The following LCORL variants were observed in gnomAD, a reference collection of about 807,000 sequenced individuals.
LCORL encodes ligand dependent nuclear receptor corepressor like, also known as ligand-dependent nuclear receptor corepressor-like protein.
Under a neutral mutation model 141.8 loss-of-function variants are expected in LCORL, and 41 were observed. That is an observed-to-expected ratio of 0.29 (90% confidence interval 0.23 to 0.38). The LOEUF (loss-of-function observed/expected upper bound fraction) is 0.38, where lower values mean the gene tolerates loss of function less well. LCORL is among the 10% of genes least tolerant of loss of function. The probability of loss-of-function intolerance (pLI) is 1.00; values close to 1 mark genes in which losing one functional copy is unlikely to be tolerated. For synonymous variants in LCORL, 618 were observed against 694.1 expected (o/e 0.89, Z 1.72); for missense variants, 1,759 against 2,035.0 (o/e 0.86, Z 2.61).
intron 1 of LCORL, among the ~76,000 whole-genome samples, chr4:17,982,099 C>CGTGTGTGTGTGTGTGT (rs57094203): frequency 3.3e-4 from 45 of 136,580 alleles, no homozygotes; most frequent in East Asian, 1.6e-3. Flanking sequence ...AGTATTCCAT[C>CGTGTGTGTGTGTGTGT]GTGTGTGTGT....
chr4:18,004,111 G>A (rs368589125), intron 1 of LCORL, among the ~76,000 whole-genome samples: 1 of 152,204 alleles, frequency 6.6e-6, no homozygotes, highest in African/African-American at 2.4e-5. Flanking sequence ...AAGTATTGGT[G>A]TACATATCCT....
chr4:17,984,779 G>C (rs1351931220), intron 1 of LCORL, among the ~76,000 whole-genome samples: 2 of 152,040 alleles, frequency 1.3e-5, no homozygotes, highest in East Asian at 3.9e-4. Context: ...CTCAGATTTT[G>C]GTTATTTCTT....
chr4:17,964,789 T>G (rs535026826), intron 2 of LCORL, among the ~76,000 whole-genome samples: 8 of 151,950 alleles, frequency 5.3e-5, no homozygotes, highest in Admixed American at 2.6e-4. Flanking sequence ...GGAGTTGTTT[T>G]GGAACTGTTG....
At chr4:17,977,651 T>A (rs1342524198) in intron 1 of LCORL, among the ~76,000 whole-genome samples, 3 of 152,210 alleles carry the variant, frequency 2.0e-5, no homozygotes, top group African/African-American at 7.2e-5. Flanking sequence ...TGTTTTAAAA[T>A]ATATTCTGGA....
intron 6 of LCORL, chr4:17,882,238 A>T: frequency 1.0e-6 from 1 of 984,652 alleles, no homozygotes; most frequent in Non-Finnish European, 1.2e-6. Context: ...TATTTTTTAA[A>T]TTCAGCTAAA....
chr4:17,872,713 T>C (rs1052435108), intron 7 of LCORL, among the ~76,000 whole-genome samples: 3 of 152,190 alleles, frequency 2.0e-5, no homozygotes, highest in African/African-American at 7.2e-5. Context: ...ATGGATTACC[T>C]GTGAAAAAGA....
At chr4:18,013,445 C>T (rs1045415839) in intron 1 of LCORL, among the ~76,000 whole-genome samples, 1 of 152,188 alleles carries the variant, frequency 6.6e-6, no homozygotes, top group Non-Finnish European at 1.5e-5. Context: ...CCAGATACTA[C>T]TACTACATAA....
At chr4:17,855,711 C>T (rs1441071581) in intron 7 of LCORL, among the ~76,000 whole-genome samples, 1 of 152,146 alleles carries the variant, frequency 6.6e-6, no homozygotes, top group East Asian at 1.9e-4. Flanking sequence ...GTGAGGGACA[C>T]ATGGAGCAGA....
intron 1 of LCORL, among the ~76,000 whole-genome samples, chr4:17,991,533 T>C (rs1314545741): frequency 6.6e-6 from 1 of 152,242 alleles, no homozygotes; most frequent in Non-Finnish European, 1.5e-5. Flanking sequence ...CAGAAGTATC[T>C]TGGGAAATCT....
At chr4:17,907,261 C>T (rs1731785273) in intron 5 of LCORL, among the ~76,000 whole-genome samples, 1 of 152,122 alleles carries the variant, frequency 6.6e-6, no homozygotes, top group African/African-American at 2.4e-5. Context: ...TGATGAGGAA[C>T]GGGGGGTAGA....
rs111947187 is a variant in LCORL, at chr4:18,012,495, G to C, written c.154+9103C>G. ...TATTCCAAAGTCTATTTCTAGTTCA[G>C]AATCCAGTAAAGAAGAAACATAAAA... On this transcript the variant is annotated intron_variant, in intron 1 of 7. Coordinates refer to ENST00000635767, the Ensembl canonical transcript of LCORL. Among the ~76,000 whole-genome samples, 7 of 152,176 alleles carry C rather than the reference G, an allele frequency of 4.6e-5. 1 individual carries two copies. The highest frequency in any genetic ancestry group is 1.7e-4 in the African/African-American group (7 of 41,508).
intron 2 of LCORL, among the ~76,000 whole-genome samples, chr4:17,970,514 A>G (rs1715720820): frequency 6.6e-6 from 1 of 152,214 alleles, no homozygotes; most frequent in Non-Finnish European, 1.5e-5. Flanking sequence ...TGGCAATCCA[A>G]GTTCCACGCT....
chr4:17,851,184 C>T lies in LCORL; in HGVS notation c.5603-5283G>A, dbSNP rs570272372. ...AGGAGATATACCTAATGCTAAATGA[C>T]GAGTTAATGGGTGCAGCACACCAGC... On this transcript the variant is annotated intron_variant, in intron 7 of 7. Coordinates refer to ENST00000635767, the Ensembl canonical transcript of LCORL. Among the ~76,000 whole-genome samples, 16 of 149,218 alleles carry T rather than the reference C, an allele frequency of 1.1e-4. No individual in the cohort carries two copies. In the South Asian group the frequency reaches 2.2e-3, roughly 20 times the overall value.
At chr4:17,932,825 C>T (rs1312155638) in intron 4 of LCORL, among the ~76,000 whole-genome samples, 1 of 152,128 alleles carries the variant, frequency 6.6e-6, no homozygotes, top group Non-Finnish European at 1.5e-5. Context: ...TTCTCTGGGT[C>T]CTTCACAGAA....
chr4:17,898,377 G>A (rs1730318302), intron 5 of LCORL, among the ~76,000 whole-genome samples: 1 of 152,008 alleles, frequency 6.6e-6, no homozygotes, highest in Non-Finnish European at 1.5e-5. Context: ...TTTTGGGATT[G>A]CTCTACTTTA....
Position 18,021,868 on chromosome 4 carries a change from A to G in LCORL, c.-117T>C. 1 of 1,152,188 alleles carries G rather than the reference A, an allele frequency of 8.7e-7. No individual in the cohort carries two copies. The highest frequency in any genetic ancestry group is 1.2e-6 in the Non-Finnish European group (1 of 862,624). The allele number at this position is 1,152,188 out of a possible 1,614,324, so 71.4% of individuals were successfully genotyped here. A position where few individuals can be genotyped will look rare whatever the true frequency, so the allele number is the denominator to read the frequency against. On this transcript the variant is annotated 5_prime_UTR_variant, in exon 1 of 8. Coordinates refer to ENST00000635767, the Ensembl canonical transcript of LCORL. This position sits in a 1 kb window ranked among gnomAD's most constrained non-coding sequence, Gnocchi z 5.5. ...GCCCCCCGGAGGGGGGTTGATTGAC[A>G]CGTGTCACTACCTTCCCTCTGCCCT...
At chr4:17,867,054 A>G in intron 7 of LCORL, 1 of 832,372 alleles carries the variant, frequency 1.2e-6, no homozygotes, top group Non-Finnish European at 1.4e-6. Flanking sequence ...GATTTACAAA[A>G]CAGAATACAA....
intron 1 of LCORL, among the ~76,000 whole-genome samples, chr4:17,990,883 A>G (rs1465176141): frequency 3.9e-5 from 6 of 152,138 alleles, no homozygotes; most frequent in African/African-American, 1.2e-4. Context: ...GCCATACTAA[A>G]AAGTCCACGA....
chr4:17,928,605 T>A (rs992861084), intron 4 of LCORL, among the ~76,000 whole-genome samples: 5 of 152,178 alleles, frequency 3.3e-5, no homozygotes, highest in Admixed American at 2.0e-4. Context: ...TAAGGGTATC[T>A]GTAAAAAATC....
Sources: gnomAD v4.1 joint callset for allele counts (sites outside exome capture counted in the v4.1 genomes callset) on GRCh38, gnomAD v4.1.1 for gene constraint, Gnocchi (gnomAD v3.1) non-coding constraint, MANE v1.5 for transcripts, NCBI Gene and HGNC (gene_info 2026-07-23, HGNC 2026-07-21) for gene names.